Variants in ZYG11B observed in about 807,000 individuals in gnomAD.
The protein encoded by ZYG11B is zyg-11 family member B, cell cycle regulator.
ZYG11B carries 36 observed loss-of-function variants against 82.4 expected under a neutral mutation model. The ratio of observed to expected loss-of-function variants is 0.44; its 90% CI spans 0.33 to 0.58. The LOEUF is 0.58. ZYG11B is among the 20% of genes least tolerant of loss of function. The pLI, the probability that ZYG11B is intolerant of heterozygous loss-of-function variation, is 0.02. For missense variants in ZYG11B, 552 were observed against 895.6 expected, an observed-to-expected ratio of 0.62 and a Z score of 4.90; for synonymous variants, 303 against 312.8, an observed-to-expected ratio of 0.97 and a Z score of 0.33.
Position 52,821,563 on chromosome 1 carries a change from A to G in ZYG11B, c.2169A>G (p.Glu723=). 2.5e-6 allele frequency: 4 copies of G among 1,614,162 alleles called. No homozygotes were observed. Among genetic ancestry groups the G allele is most frequent in the East Asian group, 2.2e-5 (1 of 44,884 alleles). The part of the protein sequence containing the change: ...QIAVAILDSL[E]KHIVRHGRPP... ...CTGTGGCCATTCTGGATAGCTTAGAAAAACACATTGTGCGCCATGGGAGGC... is the reference window on the plus strand; with the variant it reads ...CTGTGGCCATTCTGGATAGCTTAGAGAAACACATTGTGCGCCATGGGAGGC... Residue 723 remains glutamate (E), a synonymous_variant, in exon 14 of 14, where the codon GAA becomes GAG. Coordinates refer to ENST00000294353, the MANE Select transcript of ZYG11B (RefSeq NM_024646.3).
chr1:52,807,916 C>T (rs1432543506), intron 10 of ZYG11B, among the ~76,000 whole-genome samples: 2 of 152,136 alleles, frequency 1.3e-5, no homozygotes, highest in East Asian at 3.8e-4. Context: ...TTGAAAGATA[C>T]TTTTACCAGG....
At chr1:52,796,967 AAT>A (rs753622042) in intron 8 of ZYG11B, among the ~76,000 whole-genome samples, 183 bp downstream of exon 8, 1,702 of 78,038 alleles carry the variant, frequency 0.022, 24 homozygotes, top group Middle Eastern at 0.11. Context: ...TATTATATAT[AAT>A]ATATATAAAT....
intron 2 of ZYG11B, among the ~76,000 whole-genome samples, chr1:52,766,230 TC>T (rs1326100887): frequency 1.3e-5 from 2 of 151,734 alleles, no homozygotes; most frequent in African/African-American, 4.8e-5. Flanking sequence ...AAGTGATTCT[TC>T]TGTCTCAACC....
At chr1:52,786,773 C>T (rs1478023630) in intron 5 of ZYG11B, among the ~76,000 whole-genome samples, 1 of 151,646 alleles carries the variant, frequency 6.6e-6, no homozygotes, top group Non-Finnish European at 1.5e-5. Context: ...AGAGCAAGAC[C>T]TTGTCTCAAA....
At chr1:52,791,906 A>G (rs1427802163) in intron 6 of ZYG11B, among the ~76,000 whole-genome samples, 1 of 152,200 alleles carries the variant, frequency 6.6e-6, no homozygotes. Context: ...TAAAGATTAT[A>G]TTCTACTCCT....
chr1:52,808,875 A>G (rs1276268474), intron 10 of ZYG11B, among the ~76,000 whole-genome samples: 1 of 151,980 alleles, frequency 6.6e-6, no homozygotes, highest in Non-Finnish European at 1.5e-5. Context: ...GCAATATCTA[A>G]TCTGCTACAA....
intron 1 of ZYG11B, among the ~76,000 whole-genome samples, chr1:52,730,924 G>A (rs1379808591): frequency 6.6e-6 from 1 of 151,868 alleles, no homozygotes; most frequent in Non-Finnish European, 1.5e-5. Flanking sequence ...CTTTGCAGAG[G>A]GTCTTACTTT....
chr1:52,806,135 G>A (rs980637507), intron 10 of ZYG11B, among the ~76,000 whole-genome samples: 3 of 152,014 alleles, frequency 2.0e-5, no homozygotes, highest in Admixed American at 6.6e-5. Flanking sequence ...AATATGCTTT[G>A]TTTGGTTTGA....
At chr1:52,803,151 T>TAC (rs1290966360) in intron 10 of ZYG11B, among the ~76,000 whole-genome samples, 2 of 56,536 alleles carry the variant, frequency 3.5e-5, no homozygotes, top group African/African-American at 2.3e-4. Context: ...TATATATATA[T>TAC]ATACACATAT....
At chr1:52,741,181 C>A (rs1183313520) in intron 1 of ZYG11B, among the ~76,000 whole-genome samples, 1 of 151,016 alleles carries the variant, frequency 6.6e-6, no homozygotes, top group Non-Finnish European at 1.5e-5. Context: ...ACCTGTAATC[C>A]CAGCTACTCG....
chr1:52,792,562 A>G (rs889510241), intron 6 of ZYG11B, among the ~76,000 whole-genome samples: 1 of 152,222 alleles, frequency 6.6e-6, no homozygotes, highest in Non-Finnish European at 1.5e-5. Context: ...TGCCCAAGGT[A>G]ATAAGATAGT....
chr1:52,794,627 C>T (rs938367565), intron 6 of ZYG11B, among the ~76,000 whole-genome samples: 1 of 152,106 alleles, frequency 6.6e-6, no homozygotes, highest in African/African-American at 2.4e-5. Context: ...ACAGCTATAC[C>T]TAAAGTACTA....
chr1:52,817,817 T>TATATA (rs1558145372), intron 13 of ZYG11B, among the ~76,000 whole-genome samples: 12 of 8,566 alleles, frequency 1.4e-3, no homozygotes, highest in Non-Finnish European at 3.2e-3. Context: ...ATATATATAT[T>TATATA]TTTTTTTTTT....
rs746013588 is a variant in ZYG11B at position 52,802,142 on chromosome 1, A to AAGAT, written c.1695+5_1695+8dup. The AAGAT allele has an allele frequency of 6.2e-7, 1 of 1,610,318 alleles. No homozygotes were observed. Among genetic ancestry groups the AAGAT allele is most frequent in the South Asian group, 1.1e-5 (1 of 89,464 alleles). On this transcript the variant is annotated splice_donor_region_variant and intron_variant, in intron 10 of 13. Transcript: ENST00000294353. ...AGCAGAAAGTTCTAGGACTTTTGGT[A>AAGAT]AGATATAAGCACTTCCTGCTAAGTT...
At chr1:52,817,231 A>G (rs1367600132) in intron 13 of ZYG11B, among the ~76,000 whole-genome samples, 3 of 152,128 alleles carry the variant, frequency 2.0e-5, no homozygotes, top group Non-Finnish European at 2.9e-5. Flanking sequence ...TGTTGAGTAA[A>G]AGGTCTTAAG....
intron 1 of ZYG11B, among the ~76,000 whole-genome samples, chr1:52,731,102 G>A (rs1558113777): frequency 6.6e-6 from 1 of 151,858 alleles, no homozygotes; most frequent in African/African-American, 2.4e-5. Flanking sequence ...GAGAAACCCC[G>A]TCTCTACTAA....
chr1:52,733,891 GATAA>G, intron 1 of ZYG11B, among the ~76,000 whole-genome samples: 1 of 152,170 alleles, frequency 6.6e-6, no homozygotes, highest in South Asian at 2.1e-4. Flanking sequence ...ACATTCAGTA[GATAA>G]ATTGTTGGAT....
chr1:52,794,821 T>G (rs1644994562), intron 6 of ZYG11B, among the ~76,000 whole-genome samples: 2 of 152,200 alleles, frequency 1.3e-5, no homozygotes, highest in South Asian at 2.1e-4. Context: ...TCTTCAAAAT[T>G]TATCCAGAAT....
intron 4 of ZYG11B, among the ~76,000 whole-genome samples, chr1:52,780,426 G>A (rs1354236953): frequency 3.3e-5 from 5 of 152,004 alleles, no homozygotes; most frequent in Non-Finnish European, 7.3e-5. Context: ...AGACAGATGG[G>A]TAGCTTGAGC....
Sources: gnomAD v4.1 joint callset for allele counts (sites outside exome capture counted in the v4.1 genomes callset) on GRCh38, gnomAD v4.1.1 for gene constraint, MANE v1.5 for transcripts, NCBI Gene and HGNC (gene_info 2026-07-23, HGNC 2026-07-21) for gene names.